MOB3B: variants seen among roughly 807,000 people sequenced by gnomAD.
MOB3B encodes MOB kinase activator 3B.
MOB3B carries 7 observed loss-of-function variants against 18.7 expected under a neutral mutation model. The ratio of observed to expected loss-of-function variants is 0.37; its 90% CI spans 0.21 to 0.70. The LOEUF is 0.70. Among genes scored for constraint, MOB3B ranks in the 30% least tolerant of loss-of-function variants. The probability of loss-of-function intolerance (pLI) is 0.52; values close to 1 mark genes in which losing one functional copy is unlikely to be tolerated. For missense variants in MOB3B, 253 were observed against 281.3 expected (o/e 0.90, Z 0.72); for synonymous variants, 111 against 99.9 (o/e 1.11, Z -0.66).
chr9:27,489,433 A>G (rs1461959343), intron 1 of MOB3B, among the ~76,000 whole-genome samples: 1 of 152,232 alleles, frequency 6.6e-6, no homozygotes. Flanking sequence ...AAAAACAAGT[A>G]TGGTGGGAGT....
chr9:27,408,641 T>G (rs1822021366), intron 2 of MOB3B, among the ~76,000 whole-genome samples: 1 of 152,152 alleles, frequency 6.6e-6, no homozygotes, highest in Non-Finnish European at 1.5e-5. Flanking sequence ...TGAGTGGCCC[T>G]CATGCTGTAA....
chr9:27,457,581 G>C (rs1439155795), intron 1 of MOB3B, among the ~76,000 whole-genome samples: 2 of 151,950 alleles, frequency 1.3e-5, no homozygotes, highest in African/African-American at 4.8e-5. Flanking sequence ...TGGAATCCCC[G>C]CCCCACCCCC....
chr9:27,326,974 GGT>G lies in MOB3B; in HGVS notation c.*3611_*3612del, dbSNP rs1820721505. The G allele has an allele frequency of 6.2e-6, 1 of 162,326 alleles. No individual in the cohort carries two copies. The highest frequency in any genetic ancestry group is 2.0e-4 in the South Asian group (1 of 4,890). The allele number at this position is 162,326 out of a possible 1,614,324, so 10.1% of individuals were successfully genotyped here. A position where few individuals can be genotyped will look rare whatever the true frequency, so the allele number is the denominator to read the frequency against. ...GTGTGCTCTCTATAAATAAACTATG[GGT>G]CCAAATGGGAGGTCATTGAAGACGG... On this transcript the variant is annotated 3_prime_UTR_variant, in exon 4 of 4. Transcript: ENST00000262244.
intron 1 of MOB3B, among the ~76,000 whole-genome samples, chr9:27,493,501 C>T (rs893697446): frequency 1.3e-5 from 2 of 152,070 alleles, no homozygotes; most frequent in Non-Finnish European, 2.9e-5. Context: ...ATTAGCCAGG[C>T]ATCGTAGTGG....
At chr9:27,471,104 G>T (rs1181536609) in intron 1 of MOB3B, among the ~76,000 whole-genome samples, 1 of 152,082 alleles carries the variant, frequency 6.6e-6, no homozygotes, top group Non-Finnish European at 1.5e-5. Context: ...TGCACCTGGG[G>T]TGCAAGTTTA....
At chr9:27,494,873 T>C (rs769957970) in intron 1 of MOB3B, among the ~76,000 whole-genome samples, 3 of 152,164 alleles carry the variant, frequency 2.0e-5, no homozygotes, top group African/African-American at 7.2e-5. Context: ...GTTGTGGTCA[T>C]GTGACAAATT....
Position 27,524,820 on chromosome 9 carries a change from C to T in MOB3B, c.-199+4735G>A, listed in dbSNP as rs35122540. 4.7e-3 allele frequency: 7,541 copies of T among 1,613,976 alleles called. 310 individuals carry two copies. In the African/African-American group the frequency reaches 0.086, roughly 18 times the overall value. On this transcript the variant is annotated intron_variant, in intron 1 of 3. Coordinates refer to ENST00000262244, the MANE Select transcript of MOB3B (RefSeq NM_024761.5). ...GGTCCCCCAGCTGAGCAGCCTGGAA[C>T]TGAGGAGATATTTCCACAGGATAGA...
intron 2 of MOB3B, among the ~76,000 whole-genome samples, chr9:27,411,812 C>A (rs1042578054): frequency 2.6e-5 from 4 of 152,238 alleles, no homozygotes; most frequent in Non-Finnish European, 5.9e-5. Context: ...ACAGAGTCAA[C>A]CCTAATGTAA....
At chr9:27,527,952 A>C (rs1364844597) in intron 1 of MOB3B, among the ~76,000 whole-genome samples, 1 of 152,224 alleles carries the variant, frequency 6.6e-6, no homozygotes, top group Non-Finnish European at 1.5e-5. Flanking sequence ...GCGCACCCAC[A>C]GGGGAACTCG....
At chr9:27,442,966 T>A (rs1255185232) in intron 2 of MOB3B, among the ~76,000 whole-genome samples, 1 of 152,144 alleles carries the variant, frequency 6.6e-6, no homozygotes, top group Non-Finnish European at 1.5e-5. Flanking sequence ...ATTTTATATA[T>A]CTGAAAAATA....
intron 2 of MOB3B, among the ~76,000 whole-genome samples, chr9:27,395,082 T>C (rs540540939): frequency 7.2e-5 from 11 of 152,330 alleles, no homozygotes; most frequent in African/African-American, 2.6e-4. Context: ...AATCTGTACT[T>C]TGTTTGGGGG....
Position 27,359,380 on chromosome 9 carries a change from G to A in MOB3B, c.419-144C>T, listed in dbSNP as rs13301919. ...GAGTCATAGGGAGTGTGTGTGTGTG[G>A]GGGGGGGGGGTTGGTAGCAAACTAG... is the stretch of plus-strand genomic sequence containing the variant. On this transcript the variant is annotated intron_variant, in intron 2 of 3. Coordinates refer to ENST00000262244, the MANE Select transcript of MOB3B (RefSeq NM_024761.5). 54 of 461,632 alleles carry A rather than the reference G, an allele frequency of 1.2e-4. No homozygotes were observed. In the East Asian group the frequency reaches 1.9e-3, roughly 16 times the overall value. The allele number at this position is 461,632 out of a possible 1,614,324, so 28.6% of individuals were successfully genotyped here.
intron 1 of MOB3B, among the ~76,000 whole-genome samples, chr9:27,478,810 G>GACACAC (rs34976107): frequency 0.093 from 13,116 of 141,270 alleles, 744 homozygotes; most frequent in Non-Finnish European, 0.13. Context: ...GGATTAAAAA[G>GACACAC]ACACACACAC....
chr9:27,363,585 A>T (rs1389719604), intron 2 of MOB3B, among the ~76,000 whole-genome samples: 10 of 149,444 alleles, frequency 6.7e-5, no homozygotes, highest in Admixed American at 1.3e-4. Flanking sequence ...TTTTTTTTTT[A>T]AATGGAAACT....
At chr9:27,409,655 C>T (rs1822035043) in intron 2 of MOB3B, among the ~76,000 whole-genome samples, 1 of 151,982 alleles carries the variant, frequency 6.6e-6, no homozygotes, top group African/African-American at 2.4e-5. Context: ...AGTAGCATTA[C>T]TTACAATAGC....
At chr9:27,483,053 T>G (rs1819684485) in intron 1 of MOB3B, among the ~76,000 whole-genome samples, 1 of 152,092 alleles carries the variant, frequency 6.6e-6, no homozygotes, top group Non-Finnish European at 1.5e-5. Context: ...AAGAGATAAT[T>G]GTTTCCAAAA....
intron 1 of MOB3B, among the ~76,000 whole-genome samples, chr9:27,464,415 C>G (rs544322643): frequency 6.6e-6 from 1 of 152,188 alleles, no homozygotes; most frequent in African/African-American, 2.4e-5. Context: ...TGAGGGAGTT[C>G]CAGTATTTTT....
At chr9:27,483,029 A>G (rs967516959) in intron 1 of MOB3B, among the ~76,000 whole-genome samples, 31 of 149,110 alleles carry the variant, frequency 2.1e-4, no homozygotes, top group Non-Finnish European at 1.5e-4. Context: ...GCACATACAT[A>G]TTTGAGGGCT....
chr9:27,384,191 T>C (rs1297354436), intron 2 of MOB3B, among the ~76,000 whole-genome samples: 1 of 152,120 alleles, frequency 6.6e-6, no homozygotes, highest in Non-Finnish European at 1.5e-5. Flanking sequence ...GCTCATCTAG[T>C]AGGTCATGGA....
Sources: gnomAD v4.1 joint callset for allele counts (sites outside exome capture counted in the v4.1 genomes callset) on GRCh38, gnomAD v4.1.1 for gene constraint, MANE v1.5 for transcripts, NCBI Gene and HGNC (gene_info 2026-07-23, HGNC 2026-07-21) for gene names.